AP3B1: variants seen among roughly 807,000 people sequenced by gnomAD.
The protein encoded by AP3B1 is AP-3 complex subunit beta-1.
Under a neutral mutation model 132.5 loss-of-function variants are expected in AP3B1, and 61 were observed. That is an observed-to-expected ratio of 0.46 (90% CI 0.37 to 0.57). The LOEUF (loss-of-function observed/expected upper bound fraction) is 0.57. Among genes scored for constraint, AP3B1 ranks in the 20% least tolerant of loss-of-function variants. AP3B1 has a pLI of 0.00. For synonymous variants in AP3B1, 388 were observed against 438.3 expected (o/e 0.89, Z 1.43); for missense variants, 1,120 against 1,289.4 (o/e 0.87, Z 2.01).
intron 3 of AP3B1, among the ~76,000 whole-genome samples, chr5:78,240,610 A>G (rs1236580070): frequency 6.6e-6 from 1 of 152,224 alleles, no homozygotes; most frequent in Non-Finnish European, 1.5e-5. Flanking sequence ...GAACAGGTGA[A>G]AACTCGACAA....
intron 22 of AP3B1, among the ~76,000 whole-genome samples, chr5:78,049,688 A>G (rs183765985): frequency 6.6e-6 from 1 of 152,212 alleles, no homozygotes; most frequent in East Asian, 1.9e-4. Context: ...ACCACCACCT[A>G]TCATCTGGAT....
In AP3B1 at chr5:78,175,694, TCCC is replaced by T; in HGVS notation, c.1096_1098del (p.Gly366del). 1 of 1,613,150 alleles carries T rather than the reference TCCC, an allele frequency of 6.2e-7. No homozygotes were observed. The highest frequency in any genetic ancestry group is 8.5e-7 in the Non-Finnish European group (1 of 1,179,308). ...AAACTCTTCAGATAAGGTTCAAACA[TCCC>T]CTGGATTACAAAAATAAATACAAAA... On this transcript the variant is annotated inframe_deletion and splice_region_variant, in exon 11 of 27. Coordinates refer to ENST00000255194, the MANE Select transcript of AP3B1 (RefSeq NM_003664.5).
intron 5 of AP3B1, among the ~76,000 whole-genome samples, 164 bp from the exon 6 acceptor site, chr5:78,225,772 G>C (rs1041295489): frequency 4.6e-5 from 7 of 151,958 alleles, no homozygotes; most frequent in African/African-American, 1.7e-4. Flanking sequence ...TTTTTCTCAT[G>C]AATGTGTCCT....
At chr5:78,072,824 C>T (rs929344294) in intron 22 of AP3B1, among the ~76,000 whole-genome samples, 22 of 137,882 alleles carry the variant, frequency 1.6e-4, no homozygotes, top group African/African-American at 5.7e-4. Context: ...CAGGTTCAGG[C>T]AATTCTCCTG....
At position 78,155,709 on chromosome 5, in the gene AP3B1, G is replaced by A. The variant is rs115279299; in HGVS notation, c.1473+549C>T. Among the ~76,000 whole-genome samples the A allele has an allele frequency of 7.8e-3, 1,192 of 152,170 alleles. 8 individuals are homozygous for A. Among genetic ancestry groups the A allele is most frequent in the Middle Eastern group, 0.024 (7 of 294 alleles). Reference sequence around the variant, plus strand: ...GTAGATTAGTAGTGGCCAGGGTATAGAGTGAAGGGAGACTGGGCAGTCTCA... The same window carrying A: ...GTAGATTAGTAGTGGCCAGGGTATAAAGTGAAGGGAGACTGGGCAGTCTCA... On this transcript the variant is annotated intron_variant, in intron 14 of 26. Transcript: ENST00000255194.
intron 2 of AP3B1, among the ~76,000 whole-genome samples, chr5:78,245,123 G>A (rs1338894551): frequency 6.6e-6 from 1 of 152,096 alleles, no homozygotes; most frequent in Non-Finnish European, 1.5e-5. Flanking sequence ...GGGAGCCAGG[G>A]GGCCAGTTGT....
In AP3B1 at chr5:78,170,834, T is replaced by C. The variant is rs114942081; in HGVS notation, c.1167+4792A>G. On this transcript the variant is annotated intron_variant, in intron 11 of 26. Transcript: ENST00000255194. ...TGCCTATGTCCTCAATGGTATTCTC[T>C]AGATTTTCTTCTAGGGTTTTTATGG... is the stretch of plus-strand genomic sequence containing the variant. Among the ~76,000 whole-genome samples, 479 of 152,352 alleles carry C rather than the reference T, an allele frequency of 3.1e-3. 2 individuals are homozygous for C. Among genetic ancestry groups the C allele is most frequent in the Non-Finnish European group, 5.7e-3 (386 of 68,020 alleles).
chr5:78,289,681 T>A (rs1749428754), intron 1 of AP3B1, among the ~76,000 whole-genome samples: 1 of 152,206 alleles, frequency 6.6e-6, no homozygotes, highest in South Asian at 2.1e-4. Context: ...TGTTAGCATC[T>A]TCTTTTTTAA....
intron 24 of AP3B1, among the ~76,000 whole-genome samples, chr5:78,026,903 C>T (rs1040619351): frequency 6.6e-6 from 1 of 152,028 alleles, no homozygotes; most frequent in African/African-American, 2.4e-5. Context: ...GCAAGTTGGC[C>T]ACTTGCATTT....
At chr5:78,054,574 A>T (rs1748727829) in intron 22 of AP3B1, among the ~76,000 whole-genome samples, 2 of 152,224 alleles carry the variant, frequency 1.3e-5, no homozygotes, top group African/African-American at 4.8e-5. Flanking sequence ...CAGGACTTCA[A>T]GATCCAAATG....
At chr5:78,244,172 T>C (rs1276720022) in intron 2 of AP3B1, among the ~76,000 whole-genome samples, 2 of 152,094 alleles carry the variant, frequency 1.3e-5, no homozygotes, top group South Asian at 2.1e-4. Flanking sequence ...GGCTGGCAGA[T>C]TACTTGAGGC....
At chr5:78,122,678 T>G (rs912391047) in intron 17 of AP3B1, among the ~76,000 whole-genome samples, 1 of 152,140 alleles carries the variant, frequency 6.6e-6, no homozygotes, top group Non-Finnish European at 1.5e-5. Flanking sequence ...TACAAACCAC[T>G]GCTCAATGAA....
rs556568288 is a variant in AP3B1, at chr5:78,100,943, C to G, written c.2470+10G>C. ...AACACAGAAGAAATATTTTAAATTA[C>G]AATACTTACAATCATCCAGATCTAG... On this transcript the variant is annotated intron_variant, in intron 21 of 26. Coordinates refer to ENST00000255194, the MANE Select transcript of AP3B1 (RefSeq NM_003664.5). 1.4e-6 allele frequency: 2 copies of G among 1,479,444 alleles called. No homozygotes were observed. The highest frequency in any genetic ancestry group is 2.8e-5 in the African/African-American group (2 of 71,860). 91.6% of individuals were successfully genotyped at this position (1,479,444 alleles called of 1,614,324 possible). A position where few individuals can be genotyped will look rare whatever the true frequency, so the allele number is the denominator to read the frequency against.
intron 22 of AP3B1, among the ~76,000 whole-genome samples, chr5:78,088,722 T>C (rs1157147598): frequency 1.3e-5 from 2 of 152,192 alleles, no homozygotes; most frequent in African/African-American, 4.8e-5. Flanking sequence ...AGGTCAAGCA[T>C]ATCAACAGAT....
intron 21 of AP3B1, among the ~76,000 whole-genome samples, chr5:78,093,563 G>T (rs1750626695): frequency 6.6e-6 from 1 of 152,016 alleles, no homozygotes; most frequent in Non-Finnish European, 1.5e-5. Flanking sequence ...TCTAAAAGTA[G>T]ATCTAATACA....
intron 7 of AP3B1, among the ~76,000 whole-genome samples, chr5:78,184,101 G>A (rs1253091526): frequency 2.6e-5 from 4 of 151,618 alleles, no homozygotes; most frequent in Non-Finnish European, 2.9e-5. Flanking sequence ...CCTGGGAGGC[G>A]GAGGTTGCAG....
chr5:78,214,840 G>A (rs955962536), intron 7 of AP3B1, among the ~76,000 whole-genome samples: 4 of 152,058 alleles, frequency 2.6e-5, no homozygotes, highest in Non-Finnish European at 4.4e-5. Flanking sequence ...ATCAATTTAA[G>A]AGCATTATGT....
chr5:78,220,444 T>A (rs547252176), intron 6 of AP3B1, among the ~76,000 whole-genome samples: 3 of 152,038 alleles, frequency 2.0e-5, no homozygotes, highest in South Asian at 4.1e-4. Flanking sequence ...TTTTCATGCT[T>A]GTATCACAAA....
chr5:78,169,025 C>A (rs754518297), intron 11 of AP3B1, among the ~76,000 whole-genome samples: 1 of 152,042 alleles, frequency 6.6e-6, no homozygotes, highest in Non-Finnish European at 1.5e-5. Context: ...CTTGAATAGT[C>A]CATAGTCCAT....
Sources: gnomAD v4.1 joint callset for allele counts (sites outside exome capture counted in the v4.1 genomes callset) on GRCh38, gnomAD v4.1.1 for gene constraint, MANE v1.5 for transcripts, NCBI Gene and HGNC (gene_info 2026-07-23, HGNC 2026-07-21) for gene names.